The following TMCC1 variants were observed in gnomAD, a reference collection of about 807,000 sequenced individuals.
TMCC1 encodes transmembrane and coiled-coil domain family 1, also known as transmembrane and coiled-coil domains protein 1.
Under a neutral mutation model 52.4 loss-of-function variants are expected in TMCC1, and 15 were observed. That is an observed-to-expected ratio of 0.29 (90% confidence interval 0.19 to 0.44). The LOEUF is 0.44. TMCC1 is among the 20% of genes least tolerant of loss of function. The pLI is 1.00. For synonymous variants in TMCC1, 279 were observed against 301.9 expected (o/e 0.92, Z 0.79); for missense variants, 503 against 806.0 (o/e 0.62, Z 4.55).
intron 4 of TMCC1, among the ~76,000 whole-genome samples, chr3:129,806,389 C>T (rs565345341): frequency 5.1e-4 from 78 of 152,282 alleles, no homozygotes; most frequent in African/African-American, 1.8e-3. Context: ...TCTTCCACCT[C>T]GTCTTATGGA....
At chr3:129,861,335 G>A (rs550810884) in intron 2 of TMCC1, among the ~76,000 whole-genome samples, 1 of 152,122 alleles carries the variant, frequency 6.6e-6, no homozygotes, top group East Asian at 1.9e-4. Context: ...AGCTACTTGG[G>A]AGGCTGAGGC....
intron 4 of TMCC1, among the ~76,000 whole-genome samples, chr3:129,695,421 C>T (rs569048122): frequency 6.6e-6 from 1 of 152,202 alleles, no homozygotes; most frequent in African/African-American, 2.4e-5. Flanking sequence ...ATACCGAAGA[C>T]TGGGTAATTT....
Position 129,699,091 on chromosome 3 carries a change from G to A in TMCC1, c.577-27827C>T, listed in dbSNP as rs577247817. On this transcript the variant is annotated intron_variant, in intron 4 of 6. Transcript: ENST00000393238. ...AAGAAACTTTTAGGCCAGGCACAAC[G>A]GCTCATGTCTGTAACTGCAGCATTT... 2.2e-4 allele frequency among the ~76,000 whole-genome samples: 34 copies of A among 152,218 alleles called. 1 individual carries two copies. The highest frequency in any genetic ancestry group is 1.9e-3 in the South Asian group (9 of 4,824).
chr3:129,887,667 AAATAT>A (rs1288398613), intron 1 of TMCC1, among the ~76,000 whole-genome samples: 3 of 152,172 alleles, frequency 2.0e-5, no homozygotes, highest in Non-Finnish European at 2.9e-5. Flanking sequence ...ACACTTTTTA[AAATAT>A]AATATATTGA....
chr3:129,846,011 G>GC (rs752645944), intron 2 of TMCC1, among the ~76,000 whole-genome samples: 6 of 151,698 alleles, frequency 4.0e-5, no homozygotes, highest in Non-Finnish European at 5.9e-5. Context: ...TTCAACCTGG[G>GC]CAACAGAGTG....
chr3:129,763,916 G>A (rs961949846), intron 4 of TMCC1, among the ~76,000 whole-genome samples: 17 of 150,116 alleles, frequency 1.1e-4, no homozygotes, highest in African/African-American at 4.2e-4. Flanking sequence ...AAAAAAAAAA[G>A]TTTTAAAGAT....
At chr3:129,805,638 A>C (rs2057419077) in intron 4 of TMCC1, among the ~76,000 whole-genome samples, 1 of 152,194 alleles carries the variant, frequency 6.6e-6, no homozygotes, top group South Asian at 2.1e-4. Context: ...ATAACAATTA[A>C]AAGAACATTT....
At chr3:129,679,392 G>A (rs1035793175) in intron 4 of TMCC1, among the ~76,000 whole-genome samples, 7 of 152,212 alleles carry the variant, frequency 4.6e-5, no homozygotes, top group African/African-American at 1.7e-4. Flanking sequence ...TGCAACCTCC[G>A]CCTCCAGGGT....
intron 2 of TMCC1, among the ~76,000 whole-genome samples, chr3:129,835,533 A>G (rs1020874517): frequency 3.1e-4 from 47 of 152,312 alleles, no homozygotes; most frequent in African/African-American, 1.1e-3. Context: ...GGTTTCTATA[A>G]AGAACAAAAA....
chr3:129,685,633 G>T (rs1412840895), intron 4 of TMCC1, among the ~76,000 whole-genome samples: 1 of 152,204 alleles, frequency 6.6e-6, no homozygotes, highest in Non-Finnish European at 1.5e-5. Context: ...GGGCTGTAGT[G>T]AGAAATGGGC....
chr3:129,872,675 G>A (rs910002787), intron 2 of TMCC1, among the ~76,000 whole-genome samples: 14 of 152,134 alleles, frequency 9.2e-5, no homozygotes, highest in Admixed American at 7.9e-4. Flanking sequence ...GGTGACACAG[G>A]GAGGCTGAAA....
At chr3:129,726,677 G>A (rs969425288) in intron 4 of TMCC1, among the ~76,000 whole-genome samples, 3 of 150,410 alleles carry the variant, frequency 2.0e-5, no homozygotes, top group Admixed American at 6.6e-5. Flanking sequence ...TCAAGAGTTC[G>A]AGACCAGCCT....
chr3:129,764,525 G>A (rs2053915355), intron 4 of TMCC1, among the ~76,000 whole-genome samples: 1 of 152,054 alleles, frequency 6.6e-6, no homozygotes. Flanking sequence ...AGATGCTACA[G>A]AGAAAGAAGG....
intron 4 of TMCC1, among the ~76,000 whole-genome samples, chr3:129,676,036 CAA>C (rs61105005): frequency 6.5e-4 from 30 of 46,308 alleles, no homozygotes; most frequent in African/African-American, 1.2e-3. Flanking sequence ...GACTCTGTCT[CAA>C]AAAAAAAAAA....
intron 4 of TMCC1, among the ~76,000 whole-genome samples, chr3:129,789,626 G>A (rs970317006): frequency 6.6e-6 from 1 of 152,102 alleles, no homozygotes; most frequent in Non-Finnish European, 1.5e-5. Context: ...GACTACAGGC[G>A]CCTGCAACCA....
At chr3:129,832,595 C>G (rs575569440) in intron 3 of TMCC1, among the ~76,000 whole-genome samples, 179 bp downstream of exon 3, 2 of 152,132 alleles carry the variant, frequency 1.3e-5, no homozygotes, top group Non-Finnish European at 2.9e-5. Flanking sequence ...ATCTATCAAC[C>G]ATTTAGGAGG....
chr3:129,783,086 A>G (rs1455316544), intron 4 of TMCC1, among the ~76,000 whole-genome samples: 1 of 152,178 alleles, frequency 6.6e-6, no homozygotes, highest in Non-Finnish European at 1.5e-5. Context: ...ATATGTTTTT[A>G]TTGTTACTAT....
intron 4 of TMCC1, among the ~76,000 whole-genome samples, chr3:129,741,865 A>G (rs2051486035): frequency 6.6e-6 from 1 of 152,142 alleles, no homozygotes; most frequent in South Asian, 2.1e-4. Flanking sequence ...TTACTTATAT[A>G]CAACACAGGC....
intron 4 of TMCC1, among the ~76,000 whole-genome samples, chr3:129,718,520 C>T (rs866283628): frequency 6.6e-6 from 1 of 152,098 alleles, no homozygotes; most frequent in Non-Finnish European, 1.5e-5. Flanking sequence ...CCATGAGATG[C>T]GTAAGAAGTG....
Sources: gnomAD v4.1 joint callset for allele counts (sites outside exome capture counted in the v4.1 genomes callset) on GRCh38, gnomAD v4.1.1 for gene constraint, MANE v1.5 for transcripts, NCBI Gene and HGNC (gene_info 2026-07-23, HGNC 2026-07-21) for gene names.